The following TBC1D1 variants were observed in gnomAD, a reference collection of about 807,000 sequenced individuals.
TBC1D1 encodes TBC1 (tre-2/USP6, BUB2, cdc16) domain family, member 1.
In TBC1D1, 89 loss-of-function variants were observed where a neutral mutation model predicts 125.6. The ratio of observed to expected loss-of-function variants is 0.71; its 90% CI spans 0.60 to 0.85. TBC1D1 has a LOEUF of 0.85. Ranked by LOEUF, TBC1D1 falls within the 40% of genes least tolerant of loss-of-function variation. The pLI is 0.00. For missense variants in TBC1D1, 1,377 were observed against 1,469.2 expected (o/e 0.94, Z 1.03); for synonymous variants, 565 against 564.1 (o/e 1.00, Z -0.02).
chr4:38,136,294 G>A (rs900993697), intron 19 of TBC1D1, among the ~76,000 whole-genome samples: 1 of 152,298 alleles, frequency 6.6e-6, no homozygotes, highest in East Asian at 1.9e-4. Context: ...TAGACTGAGT[G>A]AGATCCTCAT....
chr4:38,051,049 CACT>C (rs1284540399), intron 11 of TBC1D1, among the ~76,000 whole-genome samples: 1 of 152,214 alleles, frequency 6.6e-6, no homozygotes, highest in East Asian at 1.9e-4. Flanking sequence ...GCTGCCTCAC[CACT>C]GCCTGCCCAC....
intron 12 of TBC1D1, among the ~76,000 whole-genome samples, chr4:38,063,004 T>C (rs1199016656): frequency 6.6e-6 from 1 of 152,198 alleles, no homozygotes; most frequent in Non-Finnish European, 1.5e-5. Context: ...TGACAGCAGA[T>C]TCCTCCTTAG....
At chr4:38,060,368 C>T (rs532184467) in intron 12 of TBC1D1, among the ~76,000 whole-genome samples, 46 of 152,318 alleles carry the variant, frequency 3.0e-4, no homozygotes, top group African/African-American at 9.9e-4. Flanking sequence ...CTTACTTCTC[C>T]GCAACCTCAC....
rs931237253 is a variant in TBC1D1 at position 37,996,143 on chromosome 4, G to T, written c.418-18366G>T. 1.3e-4 allele frequency: 61 copies of T among 455,598 alleles called. 1 individual carries two copies. The highest frequency in any genetic ancestry group is 1.3e-3 in the Admixed American group (58 of 43,946). 28.2% of individuals were successfully genotyped at this position (455,598 alleles called of 1,614,324 possible). On this transcript the variant is annotated intron_variant, in intron 2 of 19. Transcript: ENST00000261439. ...TCCTTGGCTTCTTGGAAAAGCTCTT[G>T]CCTGAAGACATGTACCTGGGTGTGG... is the stretch of plus-strand genomic sequence containing the variant.
At chr4:38,094,414 A>G (rs1480957484) in intron 13 of TBC1D1, among the ~76,000 whole-genome samples, 1 of 152,172 alleles carries the variant, frequency 6.6e-6, no homozygotes, top group Non-Finnish European at 1.5e-5. Context: ...ACAAGCTTAC[A>G]AACCGCATGG....
chr4:38,028,334 T>A (rs964874726), intron 7 of TBC1D1, among the ~76,000 whole-genome samples: 3 of 152,022 alleles, frequency 2.0e-5, no homozygotes, highest in Non-Finnish European at 2.9e-5. Context: ...CCTGGCTAAT[T>A]TTTGTATTTT....
chr4:37,948,601 C>T (rs538194476), intron 2 of TBC1D1, among the ~76,000 whole-genome samples: 1 of 150,982 alleles, frequency 6.6e-6, no homozygotes, highest in African/African-American at 2.4e-5. Context: ...GCACTCCAGC[C>T]TGGGCAACAG....
chr4:37,937,472 T>C (rs1724626543), intron 2 of TBC1D1, among the ~76,000 whole-genome samples: 1 of 152,110 alleles, frequency 6.6e-6, no homozygotes. Flanking sequence ...CCAATCTCTA[T>C]TTCACCCCAA....
At chr4:38,104,977 A>C (rs546470981) in intron 15 of TBC1D1, among the ~76,000 whole-genome samples, 43 of 151,956 alleles carry the variant, frequency 2.8e-4, no homozygotes, top group South Asian at 4.2e-4. Context: ...GGATGGTCTC[A>C]ATCTCCTGAC....
chr4:38,096,022 T>A lies in TBC1D1; in HGVS notation c.2330T>A (p.Met777Lys), dbSNP rs1759268958. Residue 777 changes from methionine to lysine, a missense_variant, in exon 14 of 20, where the codon ATG (methionine) becomes AAG (lysine). Coordinates refer to ENST00000261439, the MANE Select transcript of TBC1D1 (RefSeq NM_015173.4). ...GAAGTAACTACAGTGTGGGAAAAGA[T>A]GCTTAGCACTCCAGGAAGATCAAAA... The A allele has an allele frequency of 1.2e-6, 2 of 1,614,124 alleles. No individual in the cohort carries two copies. Among genetic ancestry groups the A allele is most frequent in the African/African-American group, 1.3e-5 (1 of 75,036 alleles).
rs529495730 is a variant in TBC1D1, at chr4:37,985,851, TG to T, written c.418-28655del. ...ATATATGCACGAAGAATCACTCAGC[TG>T]GGATTTTGGAGGAGACTAGAAGATG... On this transcript the variant is annotated intron_variant, in intron 2 of 19. Coordinates refer to ENST00000261439, the MANE Select transcript of TBC1D1 (RefSeq NM_015173.4). 2.0e-4 allele frequency among the ~76,000 whole-genome samples: 30 copies of T among 152,296 alleles called. No homozygotes were observed. In the East Asian group the frequency reaches 4.8e-3, roughly 24 times the overall value.
intron 2 of TBC1D1, among the ~76,000 whole-genome samples, chr4:37,938,497 A>G (rs1724859694): frequency 6.6e-6 from 1 of 152,180 alleles, no homozygotes; most frequent in Non-Finnish European, 1.5e-5. Flanking sequence ...GGTTGTTCAA[A>G]TAAGCGATTT....
chr4:38,015,991 T>A (rs1004139542), intron 3 of TBC1D1, among the ~76,000 whole-genome samples: 1 of 152,188 alleles, frequency 6.6e-6, no homozygotes, highest in Non-Finnish European at 1.5e-5. Context: ...CTTGGTGACA[T>A]TGAGAAAGCT....
At chr4:38,099,145 A>G (rs1374656027) in intron 14 of TBC1D1, among the ~76,000 whole-genome samples, 1 of 152,138 alleles carries the variant, frequency 6.6e-6, no homozygotes, top group Non-Finnish European at 1.5e-5. Context: ...ATAAAAACTT[A>G]CTCTAGAAAC....
intron 2 of TBC1D1, among the ~76,000 whole-genome samples, chr4:37,983,495 T>G (rs188046902): frequency 6.6e-6 from 1 of 152,320 alleles, no homozygotes; most frequent in East Asian, 1.9e-4. Context: ...AGCTTTTTCT[T>G]CTTCCCTTTT....
intron 12 of TBC1D1, 100 bp from the exon 15 acceptor site, chr4:38,089,832 A>G (rs867281921): frequency 8.9e-6 from 11 of 1,235,376 alleles, no homozygotes; most frequent in African/African-American, 1.5e-5. Flanking sequence ...ATATTATTAT[A>G]TTTTATCTGA....
At chr4:37,916,013 G>A (rs1000470345) in intron 2 of TBC1D1, among the ~76,000 whole-genome samples, 17 of 152,326 alleles carry the variant, frequency 1.1e-4, no homozygotes, top group East Asian at 3.9e-4. Context: ...AAACCCTTGC[G>A]TGTAGATTAA....
At position 38,045,689 on chromosome 4, in the gene TBC1D1, T is replaced by C. The variant is rs1749307122; in HGVS notation, c.1543-128T>C. 4.6e-6 allele frequency: 3 copies of C among 655,280 alleles called. No homozygotes were observed. The Admixed American group carries it at 7.6e-5, about 17-fold the overall frequency. The allele number at this position is 655,280 out of a possible 1,614,324, so 40.6% of individuals were successfully genotyped here. On this transcript the variant is annotated intron_variant, in intron 9 of 19. Coordinates refer to ENST00000261439, the MANE Select transcript of TBC1D1 (RefSeq NM_015173.4). ...TGTTGATTATTTTAATGTACAAATA[T>C]CCTTAGTAGCATTTCTCAGTAGATA...
chr4:38,081,567 T>C (rs1661581170), intron 12 of TBC1D1, among the ~76,000 whole-genome samples: 1 of 152,232 alleles, frequency 6.6e-6, no homozygotes, highest in South Asian at 2.1e-4. Flanking sequence ...AACCCCAGTC[T>C]GATTGCGAAG....
Sources: allele counts gnomAD v4.1 joint callset (sites outside exome capture counted in the v4.1 genomes callset), GRCh38; gene constraint gnomAD v4.1.1; transcripts MANE v1.5; gene names NCBI Gene and HGNC (gene_info 2026-07-23, HGNC 2026-07-21).